The following DCAF8L2 variants were observed in gnomAD, a reference collection of about 807,000 sequenced individuals.
DCAF8L2 encodes the protein DDB1 and CUL4 associated factor 8 like 2.
For missense variants in DCAF8L2, 430 were observed against 490.7 expected (o/e 0.88, Z 1.17); for synonymous variants, 200 against 190.9 (o/e 1.05, Z -0.39).
At chrX:27,514,657 A>T in the DCAF8L2 span, among the ~76,000 whole-genome samples, 1 of 66,834 alleles carries the variant, frequency 1.5e-5, no homozygotes, top group Non-Finnish European at 2.6e-5. Flanking sequence ...CGACAGAGCG[A>T]GACTCCGTCT....
At chrX:27,496,595 C>T in the DCAF8L2 span, among the ~76,000 whole-genome samples, 1 of 111,632 alleles carries the variant, frequency 9.0e-6, no homozygotes, top group African/African-American at 3.3e-5. Context: ...TCTCAATAGC[C>T]CTTTCTGTCT....
the DCAF8L2 span, among the ~76,000 whole-genome samples, chrX:27,535,879 A>G: frequency 8.9e-6 from 1 of 112,118 alleles, no homozygotes; most frequent in Non-Finnish European, 1.9e-5. Context: ...ATGAAATAAA[A>G]ACACAGTTAC....
At chrX:27,542,447 G>C in the DCAF8L2 span, among the ~76,000 whole-genome samples, 11 of 107,982 alleles carry the variant, frequency 1.0e-4, no homozygotes, top group African/African-American at 3.7e-4. Context: ...TTTCTCTGAT[G>C]ATTAGTATGT....
the DCAF8L2 span, among the ~76,000 whole-genome samples, chrX:27,573,254 TCACACACACA>T: frequency 1.0e-5 from 1 of 99,710 alleles, no homozygotes; most frequent in African/African-American, 3.8e-5. Flanking sequence ...TCTCTCTCTC[TCACACACACA>T]CACACACACA....
At chrX:27,651,505 CT>C (rs1170253991) in intron 2 of DCAF8L2, among the ~76,000 whole-genome samples, 1,890 of 88,154 alleles carry the variant, frequency 0.021, 18 homozygotes, top group African/African-American at 0.055. Flanking sequence ...AGTAGATAAC[CT>C]TTTTTTTTTT....
chrX:27,546,187 A>G, the DCAF8L2 span, among the ~76,000 whole-genome samples: 1 of 112,176 alleles, frequency 8.9e-6, no homozygotes, highest in African/African-American at 3.2e-5. Flanking sequence ...AGCCCCATGT[A>G]AGTCCAAAAT....
chrX:27,519,066 G>A, the DCAF8L2 span: 2 of 1,034,106 alleles, frequency 1.9e-6, no homozygotes, highest in Non-Finnish European at 1.4e-6. Flanking sequence ...AAGTACAACA[G>A]ATGAAGTCTC....
the DCAF8L2 span, among the ~76,000 whole-genome samples, chrX:27,489,816 G>A: frequency 8.9e-6 from 1 of 112,254 alleles, no homozygotes; most frequent in East Asian, 2.8e-4. Context: ...TATGTCTTGT[G>A]TTTTTTATTA....
At chrX:27,481,871 A>T in the DCAF8L2 span, among the ~76,000 whole-genome samples, 1 of 111,872 alleles carries the variant, frequency 8.9e-6, no homozygotes, top group Admixed American at 9.5e-5. Flanking sequence ...ATTCATAATA[A>T]CCTGAACTGG....
chrX:27,730,612 T>C (rs1921135811), intron 4 of DCAF8L2, among the ~76,000 whole-genome samples: 1 of 110,052 alleles, frequency 9.1e-6, no homozygotes. Flanking sequence ...GAGACGGAGT[T>C]TCTCCATGTT....
intron 1 of DCAF8L2, among the ~76,000 whole-genome samples, chrX:27,623,560 G>C (rs1483702815): frequency 9.1e-6 from 1 of 109,621 alleles, no homozygotes; most frequent in Non-Finnish European, 1.9e-5. Flanking sequence ...AAATGAAAAG[G>C]GTAAAAAAAA....
the DCAF8L2 span, among the ~76,000 whole-genome samples, chrX:27,506,750 G>A: frequency 1.6e-4 from 18 of 111,157 alleles, no homozygotes; most frequent in African/African-American, 5.6e-4. Context: ...GTGCAGTGGC[G>A]CAATCTTGGC....
At position 27,747,246 on chromosome X, in the gene DCAF8L2, C is replaced by T. The variant is rs866243275; in HGVS notation, c.351C>T (p.Asp117=). The change falls in exon 5 of 5, where the codon GAC becomes GAT. Residue 117 remains aspartate (D), a synonymous_variant. Transcript: ENST00000451261. ...GEEETEREEE[D]EEIQEEGGEE... ...AGGAGACAGAAAGGGAGGAGGAAGA[C>T]GAAGAGATACAAGAGGAGGGAGGGG... The T allele has an allele frequency of 6.2e-6, 7 of 1,132,009 alleles. No individual in the cohort carries two copies. Among genetic ancestry groups the T allele is most frequent in the Non-Finnish European group, 5.8e-6 (5 of 857,772 alleles). The allele number at this position is 1,132,009 out of a possible 1,213,427, so 93.3% of individuals were successfully genotyped here.
At chrX:27,492,708 G>A in the DCAF8L2 span, among the ~76,000 whole-genome samples, 2 of 110,660 alleles carry the variant, frequency 1.8e-5, no homozygotes, top group Non-Finnish European at 3.8e-5. Context: ...CTCGAACTTC[G>A]GACCTCAGGT....
the DCAF8L2 span, among the ~76,000 whole-genome samples, chrX:27,575,756 T>A: frequency 8.9e-6 from 1 of 112,146 alleles, no homozygotes; most frequent in Non-Finnish European, 1.9e-5. Context: ...TTTGGTAATA[T>A]AGTACATGCC....
chrX:27,678,473 T>C (rs1312583418), intron 3 of DCAF8L2, among the ~76,000 whole-genome samples: 1 of 112,184 alleles, frequency 8.9e-6, no homozygotes, highest in Non-Finnish European at 1.9e-5. Flanking sequence ...AAATGTGGTA[T>C]ATATAGAATC....
At chrX:27,707,521 T>A (rs1931383984) in intron 3 of DCAF8L2, among the ~76,000 whole-genome samples, 1 of 111,766 alleles carries the variant, frequency 8.9e-6, no homozygotes, top group Non-Finnish European at 1.9e-5. Context: ...TTGAAAAATT[T>A]CAAATATAAT....
At chrX:27,538,811 CTT>C in the DCAF8L2 span, among the ~76,000 whole-genome samples, 7 of 112,205 alleles carry the variant, frequency 6.2e-5, no homozygotes, top group African/African-American at 2.3e-4. Flanking sequence ...CCATGATAGA[CTT>C]GACAGAGAGA....
intron 4 of DCAF8L2, among the ~76,000 whole-genome samples, chrX:27,732,682 G>A (rs1414583685): frequency 9.0e-6 from 1 of 110,970 alleles, no homozygotes; most frequent in Non-Finnish European, 1.9e-5. Context: ...TATGAAAAAT[G>A]CTGCAATAAT....
Sources: gnomAD v4.1 joint callset for allele counts (sites outside exome capture counted in the v4.1 genomes callset) on GRCh38, gnomAD v4.1.1 for gene constraint, MANE v1.5 for transcripts, NCBI Gene and HGNC (gene_info 2026-07-23, HGNC 2026-07-21) for gene names.